Variants in DOCK1 observed in about 807,000 individuals in gnomAD.
The protein encoded by DOCK1 is dedicator of cytokinesis protein 1.
DOCK1 carries 138 observed loss-of-function variants against 262.7 expected under a neutral mutation model. That is an observed-to-expected ratio of 0.53 (90% CI 0.46 to 0.61). DOCK1 has a LOEUF of 0.61. Ranked by LOEUF, DOCK1 falls within the 20% of genes least tolerant of loss-of-function variation. The pLI, the probability that DOCK1 is intolerant of heterozygous loss-of-function variation, is 0.00. For synonymous variants in DOCK1, 866 were observed against 867.4 expected (o/e 1.00, Z 0.03); for missense variants, 1,908 against 2,370.7 (o/e 0.80, Z 4.05).
At chr10:127,299,234 G>A (rs1320908171) in intron 29 of DOCK1, among the ~76,000 whole-genome samples, 2 of 152,144 alleles carry the variant, frequency 1.3e-5, no homozygotes, top group Non-Finnish European at 2.9e-5. Context: ...GAGTAGCTGG[G>A]ATTACAGGCA....
At chr10:127,441,691 AC>A (rs1320440372) in intron 49 of DOCK1, among the ~76,000 whole-genome samples, 33 of 139,250 alleles carry the variant, frequency 2.4e-4, no homozygotes, top group African/African-American at 7.5e-4. Context: ...AACACCAGCC[AC>A]CCCCCCACCA....
intron 1 of DOCK1, among the ~76,000 whole-genome samples, chr10:126,905,776 G>T (rs1321745277): frequency 6.6e-6 from 1 of 150,658 alleles, no homozygotes; most frequent in Non-Finnish European, 1.5e-5. Context: ...GGGGATGCGG[G>T]TCGGGAACAC....
chr10:127,364,795 T>C (rs2133964762), intron 33 of DOCK1, among the ~76,000 whole-genome samples: 1 of 152,162 alleles, frequency 6.6e-6, no homozygotes, highest in Admixed American at 6.5e-5. Context: ...TGTTAGTACC[T>C]CCTCCCTTCT....
intron 29 of DOCK1, among the ~76,000 whole-genome samples, chr10:127,283,067 G>A (rs1032105857): frequency 2.1e-4 from 32 of 152,328 alleles, no homozygotes; most frequent in African/African-American, 5.8e-4. Flanking sequence ...CCTGTTTGGC[G>A]CCAACAAGGA....
At chr10:127,053,831 A>G (rs2044931944) in intron 22 of DOCK1, among the ~76,000 whole-genome samples, 1 of 152,182 alleles carries the variant, frequency 6.6e-6, no homozygotes, top group African/African-American at 2.4e-5. Flanking sequence ...AAAGATGTGA[A>G]AAGTAAGTGT....
intron 31 of DOCK1, among the ~76,000 whole-genome samples, chr10:127,345,135 G>A (rs557718981): frequency 3.3e-5 from 5 of 152,232 alleles, no homozygotes; most frequent in South Asian, 2.1e-4. Flanking sequence ...ACTCAGCAGC[G>A]TTCACACGAC....
intron 27 of DOCK1, among the ~76,000 whole-genome samples, chr10:127,145,744 C>T (rs140455792): frequency 7.2e-4 from 110 of 152,298 alleles, no homozygotes; most frequent in African/African-American, 2.5e-3. Flanking sequence ...CAGCCCGGAA[C>T]CCTGGTTTCT....
At chr10:127,197,763 C>T (rs1326211450) in intron 27 of DOCK1, among the ~76,000 whole-genome samples, 2 of 152,208 alleles carry the variant, frequency 1.3e-5, no homozygotes, top group African/African-American at 2.4e-5. Context: ...CAAGCCATAG[C>T]TCCATCCTTG....
intron 48 of DOCK1, among the ~76,000 whole-genome samples, chr10:127,435,857 A>G (rs2069650299): frequency 6.6e-6 from 1 of 152,226 alleles, no homozygotes. Context: ...CACAGGTTAC[A>G]TGCAGAATAA....
intron 21 of DOCK1, among the ~76,000 whole-genome samples, chr10:127,049,401 A>T (rs201605850): frequency 6.6e-6 from 1 of 152,054 alleles, no homozygotes; most frequent in Admixed American, 6.6e-5. Flanking sequence ...GGCACCTGTA[A>T]TCCCAGCTAC....
At chr10:127,236,970 C>T (rs2059091637) in intron 27 of DOCK1, among the ~76,000 whole-genome samples, 1 of 152,156 alleles carries the variant, frequency 6.6e-6, no homozygotes. Flanking sequence ...TACCCTTGGT[C>T]AAGTGATTAT....
In DOCK1 at chr10:127,333,107, C is replaced by T. The variant is rs534027054; in HGVS notation, c.3045-5899C>T. On this transcript the variant is annotated intron_variant, in intron 29 of 51. Transcript: ENST00000623213. ...TTAATTTGTTTCCTTTTTTCCCACC[C>T]ATTTTGGGTAAAACATTGTGTTAAA... Among the ~76,000 whole-genome samples, 137 of 152,228 alleles carry T rather than the reference C, an allele frequency of 9.0e-4. 1 individual carries two copies. Among genetic ancestry groups the T allele is most frequent in the African/African-American group, 3.3e-3 (136 of 41,550 alleles).
At chr10:126,948,860 A>T (rs1024744514) in intron 1 of DOCK1, among the ~76,000 whole-genome samples, 1 of 151,600 alleles carries the variant, frequency 6.6e-6, no homozygotes, top group African/African-American at 2.4e-5. Flanking sequence ...GAGGTTGGGG[A>T]TATGTGTGCT....
At chr10:127,070,952 G>C (rs1017653738) in intron 23 of DOCK1, among the ~76,000 whole-genome samples, 53 of 152,140 alleles carry the variant, frequency 3.5e-4, no homozygotes, top group African/African-American at 1.2e-3. Flanking sequence ...AGTTCTTGCA[G>C]CCTTCAAGGC....
At chr10:127,293,732 C>A (rs1014588916) in intron 29 of DOCK1, among the ~76,000 whole-genome samples, 1 of 152,220 alleles carries the variant, frequency 6.6e-6, no homozygotes, top group Non-Finnish European at 1.5e-5. Flanking sequence ...GCGGCTAGAT[C>A]ACCCTTAGAT....
chr10:127,388,815 A>C (rs1338130799), intron 38 of DOCK1, among the ~76,000 whole-genome samples: 1 of 152,208 alleles, frequency 6.6e-6, no homozygotes, highest in Non-Finnish European at 1.5e-5. Context: ...AAGTGCACTT[A>C]GGGGCAGGTG....
At chr10:127,331,093 CA>C (rs1239926537) in intron 29 of DOCK1, among the ~76,000 whole-genome samples, 1 of 152,158 alleles carries the variant, frequency 6.6e-6, no homozygotes, top group Non-Finnish European at 1.5e-5. Context: ...ATGGCTCAGA[CA>C]AGTGGCTAAA....
At chr10:127,164,434 C>T (rs1040785612) in intron 27 of DOCK1, among the ~76,000 whole-genome samples, 2 of 152,012 alleles carry the variant, frequency 1.3e-5, no homozygotes, top group African/African-American at 2.4e-5. Flanking sequence ...CCACCCGCCT[C>T]GGCCTCCCAG....
At chr10:126,937,376 G>A (rs1232210235) in intron 1 of DOCK1, among the ~76,000 whole-genome samples, 3 of 152,132 alleles carry the variant, frequency 2.0e-5, no homozygotes, top group Non-Finnish European at 2.9e-5. Flanking sequence ...AGGTCATATA[G>A]TAATTCTATT....
Sources: gnomAD v4.1 joint callset for allele counts (sites outside exome capture counted in the v4.1 genomes callset) on GRCh38, gnomAD v4.1.1 for gene constraint, MANE v1.5 for transcripts, NCBI Gene and HGNC (gene_info 2026-07-23, HGNC 2026-07-21) for gene names.